DPYD: variants seen among roughly 807,000 people sequenced by gnomAD.
The protein encoded by DPYD is dihydropyrimidine dehydrogenase.
Under a neutral mutation model 116.2 loss-of-function variants are expected in DPYD, and 109 were observed. The ratio of observed to expected loss-of-function variants is 0.94; its 90% CI spans 0.80 to 1.10. The LOEUF (loss-of-function observed/expected upper bound fraction) is 1.10, where lower values mean the gene tolerates loss of function less well. Among genes scored for constraint, DPYD ranks in the 50% least tolerant of loss-of-function variants. DPYD has a pLI of 0.00. For missense variants in DPYD, 1,302 were observed against 1,254.5 expected, an observed-to-expected ratio of 1.04 and a Z score of -0.57; for synonymous variants, 440 against 432.0, an observed-to-expected ratio of 1.02 and a Z score of -0.23.
chr1:97,432,858 C>T (rs12758423), intron 14 of DPYD, among the ~76,000 whole-genome samples: 4 of 152,178 alleles, frequency 2.6e-5, no homozygotes, highest in Admixed American at 6.5e-5. Flanking sequence ...TCAAATGTGT[C>T]GAGAGCAGAA....
chr1:97,720,753 T>C, intron 5 of DPYD: 1 of 1,447,406 alleles, frequency 6.9e-7, no homozygotes, highest in Non-Finnish European at 9.1e-7. Context: ...AGCCAACTAG[T>C]CTCCAAAGAT....
At chr1:97,743,503 A>G (rs190688893) in intron 3 of DPYD, among the ~76,000 whole-genome samples, 5 of 152,232 alleles carry the variant, frequency 3.3e-5, no homozygotes, top group Non-Finnish European at 7.4e-5. Flanking sequence ...TCATCAAGTG[A>G]CATTAGTGTT....
intron 8 of DPYD, among the ~76,000 whole-genome samples, chr1:97,608,122 CAGA>C (rs1218742538): frequency 6.6e-6 from 1 of 151,630 alleles, no homozygotes; most frequent in African/African-American, 2.4e-5. Context: ...ATGAATTGGC[CAGA>C]AGGAGAATAC....
intron 19 of DPYD, among the ~76,000 whole-genome samples, chr1:97,205,255 A>G (rs1659508547): frequency 6.6e-6 from 1 of 152,094 alleles, no homozygotes; most frequent in African/African-American, 2.4e-5. Flanking sequence ...ATTCATCATT[A>G]GAGTTTTATA....
chr1:97,721,479 TG>T (rs752666158), intron 5 of DPYD, 30 bp downstream of exon 5: 3 of 1,609,410 alleles, frequency 1.9e-6, no homozygotes, highest in East Asian at 2.2e-5. Context: ...GTGATGGTAG[TG>T]GGGGGATGTC....
intron 18 of DPYD, among the ~76,000 whole-genome samples, chr1:97,262,973 T>C (rs2100857088): frequency 6.6e-6 from 1 of 152,142 alleles, no homozygotes; most frequent in Non-Finnish European, 1.5e-5. Flanking sequence ...ATAAATGGGG[T>C]AAGATAACAG....
chr1:97,176,566 A>G (rs1446859640), intron 20 of DPYD, among the ~76,000 whole-genome samples: 1 of 152,184 alleles, frequency 6.6e-6, no homozygotes, highest in Non-Finnish European at 1.5e-5. Flanking sequence ...AGCTGGTGAG[A>G]TAATGTATGC....
chr1:97,301,035 T>C (rs1185982610), intron 18 of DPYD, among the ~76,000 whole-genome samples: 20 of 152,076 alleles, frequency 1.3e-4, no homozygotes, highest in Admixed American at 1.3e-3. Context: ...CTAGTAACCA[T>C]ACAAGCCAGT....
intron 2 of DPYD, among the ~76,000 whole-genome samples, chr1:97,836,613 A>G (rs1669785000): frequency 6.6e-6 from 1 of 152,110 alleles, no homozygotes; most frequent in Admixed American, 6.5e-5. Flanking sequence ...ATGAATATGT[A>G]TTACCTTAAG....
intron 8 of DPYD, among the ~76,000 whole-genome samples, chr1:97,602,552 T>C (rs1216701177): frequency 2.6e-5 from 4 of 152,000 alleles, no homozygotes; most frequent in Non-Finnish European, 5.9e-5. Flanking sequence ...ACAATGAGAA[T>C]ATGGGTTCAC....
chr1:97,559,041 G>T (rs1490341482), intron 11 of DPYD, among the ~76,000 whole-genome samples: 1 of 152,076 alleles, frequency 6.6e-6, no homozygotes, highest in Non-Finnish European at 1.5e-5. Context: ...TGAAGGAATA[G>T]ATCATCCTTT....
chr1:97,595,413 G>A (rs1654811816), intron 8 of DPYD, among the ~76,000 whole-genome samples: 1 of 151,714 alleles, frequency 6.6e-6, no homozygotes, highest in South Asian at 2.1e-4. Flanking sequence ...TAAATATATG[G>A]AAACATATGT....
chr1:97,573,894 CT>C lies in DPYD; in HGVS notation c.1204del (p.Arg402GlufsTer28), dbSNP rs781098341. ...CCGAACAAACTGCATAGCAACAATT[CT>C]CCCACCTTTTACTATAACCTTCCGT... is the stretch of plus-strand genomic sequence containing the variant. ...SPRKVIVKGG[R>X]IVAMQFVRTE... On this transcript the variant is annotated frameshift_variant, in exon 11 of 23. Coordinates refer to ENST00000370192, the MANE Select transcript of DPYD (RefSeq NM_000110.4). LOFTEE classifies it high-confidence loss of function. 1.2e-6 allele frequency: 2 copies of C among 1,613,756 alleles called. No individual in the cohort carries two copies. The highest frequency in any genetic ancestry group is 1.7e-6 in the Non-Finnish European group (2 of 1,179,744).
At chr1:97,094,055 T>G (rs1051879399) in intron 21 of DPYD, among the ~76,000 whole-genome samples, 1 of 152,082 alleles carries the variant, frequency 6.6e-6, no homozygotes, top group Admixed American at 6.6e-5. Context: ...TCTTATCCCT[T>G]TCCTACTGAC....
chr1:97,911,943 G>T (rs114078222), intron 1 of DPYD, among the ~76,000 whole-genome samples: 2 of 151,932 alleles, frequency 1.3e-5, no homozygotes, highest in Non-Finnish European at 2.9e-5. Context: ...AACCATGCAC[G>T]CTGTCAAGCC....
At chr1:97,546,684 T>G (rs1366869624) in intron 12 of DPYD, 7 of 1,612,894 alleles carry the variant, frequency 4.3e-6, no homozygotes, top group Non-Finnish European at 5.9e-6. Flanking sequence ...CCATGCCATA[T>G]CATGTGTGTA....
rs1259735317 is a variant in DPYD, at chr1:97,721,669, G to GCTCCATTAAT, written c.323_324insATTAATGGAG (p.Asn108LysfsTer10). On this transcript the variant is annotated frameshift_variant and splice_region_variant, in exon 5 of 23. Transcript: ENST00000370192. LOFTEE classifies it high-confidence loss of function. ...ATATCATCTTAGCAGCTCCATAATAGTTCTGCAAAATTAATACAAAATAAA... is the reference window on the plus strand; with the variant it reads ...ATATCATCTTAGCAGCTCCATAATAGCTCCATTAATTTCTGCAAAATTAATACAAAATAAA... 2 of 1,610,464 alleles carry GCTCCATTAAT rather than the reference G, an allele frequency of 1.2e-6. No homozygotes were observed. Among genetic ancestry groups the GCTCCATTAAT allele is most frequent in the Non-Finnish European group, 1.7e-6 (2 of 1,177,770 alleles).
intron 13 of DPYD, among the ~76,000 whole-genome samples, chr1:97,469,758 C>A (rs1677539537): frequency 6.6e-6 from 1 of 152,100 alleles, no homozygotes; most frequent in African/African-American, 2.4e-5. Context: ...TCAAAGTAAT[C>A]TTATTTTTTT....
rs55792021 is a variant in DPYD at position 97,082,201 on chromosome 1, T to C, written c.2907+129A>G. The C allele has an allele frequency of 1.3e-4, 141 of 1,114,206 alleles. No individual in the cohort carries two copies. In the East Asian group the frequency reaches 2.3e-3, roughly 18 times the overall value. The allele number at this position is 1,114,206 out of a possible 1,614,324, so 69.0% of individuals were successfully genotyped here. A position where few individuals can be genotyped will look rare whatever the true frequency, so the allele number is the denominator to read the frequency against. On this transcript the variant is annotated intron_variant, in intron 22 of 22. Transcript: ENST00000370192. ...ATAAGGGTGACAGGACAGAAAGATG[T>C]ACTGTTGCAGAAGAGCAATATTTGG...
Sources: allele counts gnomAD v4.1 joint callset (sites outside exome capture counted in the v4.1 genomes callset), GRCh38; gene constraint gnomAD v4.1.1; transcripts MANE v1.5; gene names NCBI Gene and HGNC (gene_info 2026-07-23, HGNC 2026-07-21).